ADAMTS6: variants seen among roughly 807,000 people sequenced by gnomAD.
ADAMTS6 encodes A disintegrin and metalloproteinase with thrombospondin motifs 6.
In ADAMTS6, 23 loss-of-function variants were observed where a neutral mutation model predicts 144.3. The ratio of observed to expected loss-of-function variants is 0.16; its 90% CI spans 0.11 to 0.23. The LOEUF (loss-of-function observed/expected upper bound fraction) is 0.23, where lower values mean the gene tolerates loss of function less well. Ranked by LOEUF, ADAMTS6 falls within the 10% of genes least tolerant of loss-of-function variation. ADAMTS6 has a pLI of 1.00. For synonymous variants in ADAMTS6, 444 were observed against 457.5 expected (o/e 0.97, Z 0.38); for missense variants, 999 against 1,379.6 (o/e 0.72, Z 4.37).
chr5:65,383,802 C>T (rs532049268), intron 7 of ADAMTS6, among the ~76,000 whole-genome samples: 1 of 152,042 alleles, frequency 6.6e-6, no homozygotes. Flanking sequence ...GGTGACTCCC[C>T]TCATAGCAAT....
At chr5:65,376,586 C>T (rs1250377427) in intron 7 of ADAMTS6, among the ~76,000 whole-genome samples, 1 of 152,176 alleles carries the variant, frequency 6.6e-6, no homozygotes, top group Middle Eastern at 3.2e-3. Flanking sequence ...AATCCCAGAA[C>T]TTTGGGAGGC....
At chr5:65,376,391 CA>C (rs1751551186) in intron 7 of ADAMTS6, among the ~76,000 whole-genome samples, 1 of 151,920 alleles carries the variant, frequency 6.6e-6, no homozygotes, top group Admixed American at 6.6e-5. Flanking sequence ...GTGGAGGTTG[CA>C]GTGAGCCAAA....
At position 65,334,921 on chromosome 5, in the gene ADAMTS6, T is replaced by A. The variant is rs563353451; in HGVS notation, c.1074-836A>T. On this transcript the variant is annotated intron_variant, in intron 7 of 24. Transcript: ENST00000381055. ...TTCTAAAGTGAGAGTAAAAAATAAA[T>A]GTAAAAGGCTAAAAATTTTTATTTG... 9.2e-5 allele frequency among the ~76,000 whole-genome samples: 14 copies of A among 152,220 alleles called. No individual in the cohort carries two copies. In the East Asian group the frequency reaches 2.3e-3, roughly 25 times the overall value.
chr5:65,267,694 A>G (rs1039802800), intron 12 of ADAMTS6, among the ~76,000 whole-genome samples: 10 of 152,102 alleles, frequency 6.6e-5, no homozygotes, highest in African/African-American at 2.4e-4. Context: ...CAAGATGAGT[A>G]TATGCAGTAT....
chr5:65,433,047 C>A (rs1241118744), intron 7 of ADAMTS6, among the ~76,000 whole-genome samples: 1 of 152,084 alleles, frequency 6.6e-6, no homozygotes, highest in African/African-American at 2.4e-5. Context: ...TCTTTCTCAC[C>A]TTTTCCATAT....
chr5:65,390,769 C>G (rs1348542731), intron 7 of ADAMTS6, among the ~76,000 whole-genome samples: 1 of 152,134 alleles, frequency 6.6e-6, no homozygotes, highest in Admixed American at 6.6e-5. Context: ...TGAAACGTCA[C>G]AGAGAGAAAG....
intron 9 of ADAMTS6, among the ~76,000 whole-genome samples, chr5:65,328,008 T>A (rs1423747722): frequency 6.6e-6 from 1 of 151,108 alleles, no homozygotes; most frequent in Non-Finnish European, 1.5e-5. Flanking sequence ...AACTGCTTGG[T>A]TAAGGGGGGG....
At chr5:65,293,312 C>A (rs1002720989) in intron 10 of ADAMTS6, among the ~76,000 whole-genome samples, 1 of 151,926 alleles carries the variant, frequency 6.6e-6, no homozygotes, top group East Asian at 1.9e-4. Flanking sequence ...TACTATAAAT[C>A]TTTTTTATGG....
At chr5:65,334,771 G>A (rs1386586814) in intron 7 of ADAMTS6, among the ~76,000 whole-genome samples, 2 of 152,010 alleles carry the variant, frequency 1.3e-5, no homozygotes, top group African/African-American at 4.8e-5. Flanking sequence ...AAAATATTGA[G>A]TCCATAATGT....
intron 18 of ADAMTS6, among the ~76,000 whole-genome samples, chr5:65,222,743 T>G (rs1411958120): frequency 6.6e-6 from 1 of 151,898 alleles, no homozygotes; most frequent in Non-Finnish European, 1.5e-5. Context: ...GACCATATAT[T>G]TAAACATAAA....
At chr5:65,374,862 C>G (rs1317446079) in intron 7 of ADAMTS6, among the ~76,000 whole-genome samples, 3 of 152,162 alleles carry the variant, frequency 2.0e-5, no homozygotes, top group Admixed American at 1.3e-4. Context: ...TCAAACTATA[C>G]TACAAGGCTA....
intron 3 of ADAMTS6, among the ~76,000 whole-genome samples, chr5:65,466,778 C>T (rs564634618): frequency 6.6e-6 from 1 of 152,270 alleles, no homozygotes; most frequent in East Asian, 1.9e-4. Flanking sequence ...CGCGGTGGCT[C>T]ACGCCTGTAA....
chr5:65,213,005 G>A (rs1756643487), intron 20 of ADAMTS6, among the ~76,000 whole-genome samples: 1 of 152,100 alleles, frequency 6.6e-6, no homozygotes, highest in Admixed American at 6.6e-5. Context: ...GAATTGAATT[G>A]GATAAAAGAT....
chr5:65,383,932 G>A (rs897711965), intron 7 of ADAMTS6, among the ~76,000 whole-genome samples: 39 of 152,152 alleles, frequency 2.6e-4, no homozygotes, highest in South Asian at 2.1e-4. Flanking sequence ...GAACACCAGC[G>A]TGATCTACCA....
chr5:65,153,244 A>G lies in ADAMTS6; in HGVS notation c.3245-1299T>C, dbSNP rs183047499. On this transcript the variant is annotated intron_variant, in intron 24 of 24. Transcript: ENST00000381055. ...ATTTGAAACTGGAACTCCCAAATCC[A>G]CTGAAAACATCTCTGCCACCACCCA... 8.5e-5 allele frequency among the ~76,000 whole-genome samples: 13 copies of G among 152,352 alleles called. No individual in the cohort carries two copies. In the East Asian group the frequency reaches 1.9e-3, roughly 23 times the overall value.
intron 14 of ADAMTS6, chr5:65,251,040 T>C (rs1760115911): frequency 6.6e-6 from 1 of 152,212 alleles, no homozygotes; most frequent in Non-Finnish European, 1.5e-5. Flanking sequence ...GTCATTTGAA[T>C]GAAAAATTGT....
At chr5:65,329,555 T>A (rs1037482415) in intron 8 of ADAMTS6, 72 bp from the exon 9 acceptor site, 14 of 1,314,170 alleles carry the variant, frequency 1.1e-5, no homozygotes, top group Non-Finnish European at 1.4e-5. Context: ...TATTTATAAA[T>A]GCCTGGATTC....
intron 23 of ADAMTS6, among the ~76,000 whole-genome samples, chr5:65,172,143 G>A (rs1319883957): frequency 1.4e-5 from 2 of 146,998 alleles, no homozygotes; most frequent in South Asian, 2.2e-4. Context: ...GGCCAGGCGC[G>A]GTGGCTCACA....
chr5:65,320,290 G>T (rs74855752), intron 9 of ADAMTS6, among the ~76,000 whole-genome samples: 2 of 152,002 alleles, frequency 1.3e-5, no homozygotes, highest in Non-Finnish European at 2.9e-5. Flanking sequence ...CAATAACAGC[G>T]TATCACAAAT....
Sources: gnomAD v4.1 joint callset for allele counts (sites outside exome capture counted in the v4.1 genomes callset) on GRCh38, gnomAD v4.1.1 for gene constraint, MANE v1.5 for transcripts, NCBI Gene and HGNC (gene_info 2026-07-23, HGNC 2026-07-21) for gene names.